Variants in LDLRAD3 observed in about 807,000 individuals in gnomAD.
LDLRAD3 encodes the protein low-density lipoprotein receptor class A domain-containing protein 3.
A neutral mutation model predicts 29.4 loss-of-function variants in LDLRAD3; 20 were observed. The ratio of observed to expected loss-of-function variants is 0.68; its 90% CI spans 0.48 to 0.99. The LOEUF is 0.99. LDLRAD3 is among the 50% of genes least tolerant of loss of function. The pLI is 0.00. For synonymous variants in LDLRAD3, 157 were observed against 192.7 expected (o/e 0.81, Z 1.53); for missense variants, 420 against 454.3 (o/e 0.92, Z 0.69).
intron 2 of LDLRAD3, among the ~76,000 whole-genome samples, chr11:36,040,568 A>T (rs1852367944): frequency 1.3e-5 from 2 of 152,262 alleles, no homozygotes; most frequent in South Asian, 4.1e-4. Context: ...AATATGGTTT[A>T]TTTACACATA....
chr11:36,133,118 C>T (rs1853949938), intron 4 of LDLRAD3, among the ~76,000 whole-genome samples: 1 of 152,232 alleles, frequency 6.6e-6, no homozygotes, highest in South Asian at 2.1e-4. Flanking sequence ...ACTTAGCTCT[C>T]CTTTTGCATT....
intron 4 of LDLRAD3, among the ~76,000 whole-genome samples, chr11:36,103,093 G>A (rs536839987): frequency 6.1e-4 from 93 of 152,126 alleles, no homozygotes; most frequent in African/African-American, 2.2e-3. Flanking sequence ...TTTTCATTTT[G>A]CAAATCTGAA....
rs188811680 is a variant in LDLRAD3, at chr11:36,153,774, G to A, written c.454+55313G>A. On this transcript the variant is annotated intron_variant, in intron 4 of 5. Transcript: ENST00000315571. ...GCATATTTATTTGCTCTAGTGGTGG[G>A]CAAATGTTTAAATTCCTGCCATTAG... Among the ~76,000 whole-genome samples the A allele has an allele frequency of 2.6e-3, 401 of 152,214 alleles. 2 individuals carry two copies. Among genetic ancestry groups the A allele is most frequent in the Non-Finnish European group, 4.1e-3 (276 of 68,020 alleles).
intron 1 of LDLRAD3, among the ~76,000 whole-genome samples, chr11:35,986,482 C>A (rs1317309769): frequency 6.6e-6 from 1 of 152,134 alleles, no homozygotes; most frequent in Non-Finnish European, 1.5e-5. Context: ...ATGTGTTAGT[C>A]AGGGTAGGAG....
rs376950399 is a variant in LDLRAD3, at chr11:35,963,315, TA to T, written c.46+19179del. On this transcript the variant is annotated intron_variant, in intron 1 of 5. Transcript: ENST00000315571. ...CTTAGGAAATGATCTTCAGGCCTCT[TA>T]AAAAAAATATCAAAGAACTGAAACT... Among the ~76,000 whole-genome samples, 527 of 151,768 alleles carry T rather than the reference TA, an allele frequency of 3.5e-3. 4 individuals carry two copies. Among genetic ancestry groups the T allele is most frequent in the African/African-American group, 0.012 (494 of 41,428 alleles).
chr11:36,137,739 T>G (rs1156885819), intron 4 of LDLRAD3, among the ~76,000 whole-genome samples: 1 of 152,238 alleles, frequency 6.6e-6, no homozygotes, highest in African/African-American at 2.4e-5. Context: ...ATATTTTGAA[T>G]AGATAAATAG....
chr11:35,959,626 TAAAAG>T (rs983326522), intron 1 of LDLRAD3, among the ~76,000 whole-genome samples: 13 of 152,232 alleles, frequency 8.5e-5, no homozygotes, highest in Admixed American at 3.9e-4. Flanking sequence ...GCTTTCCTCT[TAAAAG>T]AAAAATGTGG....
intron 3 of LDLRAD3, among the ~76,000 whole-genome samples, chr11:36,082,724 G>T (rs992705254): frequency 2.0e-5 from 3 of 152,100 alleles, no homozygotes; most frequent in African/African-American, 4.8e-5. Flanking sequence ...TCTTGCTGTT[G>T]GGTTTAACTA....
intron 1 of LDLRAD3, among the ~76,000 whole-genome samples, chr11:35,952,761 T>C (rs2133126785): frequency 6.6e-6 from 1 of 152,306 alleles, no homozygotes; most frequent in East Asian, 1.9e-4. Flanking sequence ...AAAGATACAG[T>C]ACTGATGATA....
rs1317052097 is a variant in LDLRAD3 at position 36,144,904 on chromosome 11, C to T, written c.454+46443C>T. Reference sequence around the variant, plus strand: ...GCCGCCCCGTCCGGGAGGTGAGGGGCGCCTCTACCCGGCCGCCCCTACTGG... The same window carrying T: ...GCCGCCCCGTCCGGGAGGTGAGGGGTGCCTCTACCCGGCCGCCCCTACTGG... On this transcript the variant is annotated intron_variant, in intron 4 of 5. Coordinates refer to ENST00000315571, the MANE Select transcript of LDLRAD3 (RefSeq NM_174902.4). Among the ~76,000 whole-genome samples the T allele has an allele frequency of 7.4e-5, 7 of 94,704 alleles. 1 individual carries two copies. The highest frequency in any genetic ancestry group is 2.0e-4 in the Admixed American group (2 of 10,208). The allele number at this position is 94,704 out of a possible 152,430, so 62.1% of individuals were successfully genotyped here.
In LDLRAD3 at chr11:36,105,238, T is replaced by TGTGTGTGTGTGAGAGA. The variant is rs1343780985; in HGVS notation, c.454+6778_454+6779insTGTGTGTGTGAGAGAG. On this transcript the variant is annotated intron_variant, in intron 4 of 5. Coordinates refer to ENST00000315571, the MANE Select transcript of LDLRAD3 (RefSeq NM_174902.4). The stretch of plus-strand genomic sequence containing the variant: ...GTGTGTGTGTGTGTGTGTGTGTGTG[T>TGTGTGTGTGTGAGAGA]GAGAGAGAGAGAGAGAGAGAGAGAA... Among the ~76,000 whole-genome samples, 29 of 128,426 alleles carry TGTGTGTGTGTGAGAGA rather than the reference T, an allele frequency of 2.3e-4. No homozygotes were observed. The East Asian group carries it at 3.5e-3, about 16-fold the overall frequency. The allele number at this position is 128,426 out of a possible 152,430, so 84.3% of individuals were successfully genotyped here. A position where few individuals can be genotyped will look rare whatever the true frequency, so the allele number is the denominator to read the frequency against.
intron 4 of LDLRAD3, among the ~76,000 whole-genome samples, chr11:36,109,755 T>TAA (rs35549744): frequency 1.3e-4 from 20 of 151,312 alleles, no homozygotes; most frequent in East Asian, 5.8e-4. Flanking sequence ...GCTTTATATT[T>TAA]AAAAAAAAAT....
intron 4 of LDLRAD3, among the ~76,000 whole-genome samples, chr11:36,173,227 T>C (rs2133350091): frequency 6.6e-6 from 1 of 152,212 alleles, no homozygotes; most frequent in East Asian, 1.9e-4. Context: ...AGGGTACATG[T>C]GCACAATGTG....
chr11:36,144,703 G>A (rs1202480249), intron 4 of LDLRAD3, among the ~76,000 whole-genome samples: 55 of 128,570 alleles, frequency 4.3e-4, no homozygotes, highest in Admixed American at 1.4e-3. Context: ...CAGCCACCCC[G>A]TCTGGGAAGT....
At chr11:36,223,269 A>G (rs1315462374) in intron 4 of LDLRAD3, among the ~76,000 whole-genome samples, 1 of 152,206 alleles carries the variant, frequency 6.6e-6, no homozygotes, top group Non-Finnish European at 1.5e-5. Context: ...TTTCGGAGAC[A>G]TAAGTGAGCC....
rs1214422968 is a variant in LDLRAD3 at position 36,210,406 on chromosome 11, C to CTGTCTTGTCTGAGCTCTCTAAA, written c.455-16679_455-16678insTGTCTTGTCTGAGCTCTCTAAA. ...TGTTTAAAATGCTTGTCTGAGCTCT[C>CTGTCTTGTCTGAGCTCTCTAAA]CAGTCTGTCTTAGGTGTTTCGAGGG... is the stretch of plus-strand genomic sequence containing the variant. On this transcript the variant is annotated intron_variant, in intron 4 of 5. Transcript: ENST00000315571. 4.3e-4 allele frequency among the ~76,000 whole-genome samples: 66 copies of CTGTCTTGTCTGAGCTCTCTAAA among 152,186 alleles called. 2 individuals are homozygous for CTGTCTTGTCTGAGCTCTCTAAA. Among genetic ancestry groups the CTGTCTTGTCTGAGCTCTCTAAA allele is most frequent in the Non-Finnish European group, 1.6e-4 (11 of 68,036 alleles).
In LDLRAD3 at chr11:36,045,140, A is replaced by G. The variant is rs557151625; in HGVS notation, c.193+8891A>G. Among the ~76,000 whole-genome samples the G allele has an allele frequency of 1.3e-4, 20 of 152,294 alleles. No homozygotes were observed. The South Asian group carries it at 1.9e-3, about 14-fold the overall frequency. ...TCATGAGGACAGACTTTCAGTTCAG[A>G]TGTTGGAATCACAGCATGAAGTTTG... On this transcript the variant is annotated intron_variant, in intron 2 of 5. Coordinates refer to ENST00000315571, the MANE Select transcript of LDLRAD3 (RefSeq NM_174902.4).
At chr11:36,037,477 A>G (rs909445261) in intron 2 of LDLRAD3, among the ~76,000 whole-genome samples, 1 of 151,956 alleles carries the variant, frequency 6.6e-6, no homozygotes. Flanking sequence ...ACCGTGCCCA[A>G]CTAATTTTTG....
chr11:36,064,381 C>T (rs1041583696), intron 2 of LDLRAD3, among the ~76,000 whole-genome samples: 1 of 152,052 alleles, frequency 6.6e-6, no homozygotes, highest in Admixed American at 6.6e-5. Context: ...GTGATCACAG[C>T]TCACTGCAGC....
Sources: allele counts gnomAD v4.1 joint callset (sites outside exome capture counted in the v4.1 genomes callset), GRCh38; gene constraint gnomAD v4.1.1; transcripts MANE v1.5; gene names NCBI Gene and HGNC (gene_info 2026-07-23, HGNC 2026-07-21).